The following PTGFRN variants were observed in gnomAD, a reference collection of about 807,000 sequenced individuals.
The protein encoded by PTGFRN is prostaglandin F2 receptor inhibitor.
A neutral mutation model predicts 83.2 loss-of-function variants in PTGFRN; 35 were observed. The observed-to-expected ratio is 0.42, with a 90% confidence interval of 0.32 to 0.56. The LOEUF (loss-of-function observed/expected upper bound fraction) is 0.56. Ranked by LOEUF, PTGFRN falls within the 20% of genes least tolerant of loss-of-function variation. The pLI is 0.11. For missense variants in PTGFRN, 1,051 were observed against 1,179.5 expected (o/e 0.89, Z 1.60); for synonymous variants, 519 against 498.6 (o/e 1.04, Z -0.55).
At chr1:116,979,332 G>A (rs1287846210) in intron 7 of PTGFRN, among the ~76,000 whole-genome samples, 2 of 152,108 alleles carry the variant, frequency 1.3e-5, no homozygotes, top group Non-Finnish European at 2.9e-5. Flanking sequence ...TCCCCATCAA[G>A]CTACCAATGG....
In PTGFRN at chr1:116,976,032, C is replaced by T. The variant is rs551043205; in HGVS notation, c.2167+1709C>T. Among the ~76,000 whole-genome samples the T allele has an allele frequency of 2.0e-5, 3 of 152,220 alleles. No individual in the cohort carries two copies. In the East Asian group the frequency reaches 5.8e-4, roughly 29 times the overall value. On this transcript the variant is annotated intron_variant, in intron 7 of 8. Transcript: ENST00000393203. ...CCAGTGTAGAGAAGTCCTTAAATGA[C>T]CTTATGGAGCTGAAAACCATGGCAT...
intron 7 of PTGFRN, among the ~76,000 whole-genome samples, chr1:116,982,714 G>A (rs963844034): frequency 4.6e-5 from 7 of 152,196 alleles, no homozygotes; most frequent in South Asian, 4.1e-4. Flanking sequence ...TGGAGCATGA[G>A]TGTACTGCAG....
At chr1:116,936,189 A>G (rs772276800) in intron 1 of PTGFRN, among the ~76,000 whole-genome samples, 9 of 152,190 alleles carry the variant, frequency 5.9e-5, no homozygotes, top group African/African-American at 1.9e-4. Context: ...AAAGAGCCAT[A>G]TGCTCTATTT....
Position 116,990,274 on chromosome 1 carries a change from G to A in PTGFRN, c.*3307G>A, listed in dbSNP as rs1651685755. On this transcript the variant is annotated 3_prime_UTR_variant, in exon 9 of 9. Transcript: ENST00000393203. ...ATATCCAATGTTATATGAACTAATTGTATTGTTTTATACTGTGACCACAAA... is the reference window on the plus strand; with the variant it reads ...ATATCCAATGTTATATGAACTAATTATATTGTTTTATACTGTGACCACAAA... 2 of 152,590 alleles carry A rather than the reference G, an allele frequency of 1.3e-5. No individual in the cohort carries two copies. Among genetic ancestry groups the A allele is most frequent in the South Asian group, 4.1e-4 (2 of 4,832 alleles). The allele number at this position is 152,590 out of a possible 1,614,324, so 9.5% of individuals were successfully genotyped here.
intron 8 of PTGFRN, 45 bp downstream of exon 8, chr1:116,985,030 TC>T: frequency 1.3e-6 from 2 of 1,578,180 alleles, no homozygotes; most frequent in African/African-American, 2.7e-5. Context: ...AATGTCTTCT[TC>T]TTGTGCCAGG....
intron 5 of PTGFRN, among the ~76,000 whole-genome samples, chr1:116,963,932 C>CT (rs1650751650): frequency 6.6e-6 from 1 of 152,022 alleles, no homozygotes; most frequent in South Asian, 2.1e-4. Flanking sequence ...CTATAGGCCT[C>CT]TATCATCATG....
At chr1:116,980,625 T>C (rs1651288133) in intron 7 of PTGFRN, among the ~76,000 whole-genome samples, 2 of 152,292 alleles carry the variant, frequency 1.3e-5, no homozygotes, top group African/African-American at 4.8e-5. Context: ...AAACACCTCA[T>C]GTTCTCACTC....
At chr1:116,965,516 C>A (rs1426870382) in intron 5 of PTGFRN, among the ~76,000 whole-genome samples, 1 of 152,090 alleles carries the variant, frequency 6.6e-6, no homozygotes, top group African/African-American at 2.4e-5. Flanking sequence ...AACTCCTGGC[C>A]TCATGCAATC....
Position 116,923,874 on chromosome 1 carries a change from G to C in PTGFRN, c.49+13622G>C, listed in dbSNP as rs995592579. ...TGTCGAGCATTATTCTGGATCTGGG[G>C]GCACCTAAAAACATAGATCGACACA... On this transcript the variant is annotated intron_variant, in intron 1 of 8. Coordinates refer to ENST00000393203, the MANE Select transcript of PTGFRN (RefSeq NM_020440.4). The surrounding 1 kb of genome is among the most constrained non-coding windows in gnomAD (Gnocchi z 4.0). Among the ~76,000 whole-genome samples, 1 of 151,994 alleles carries C rather than the reference G, an allele frequency of 6.6e-6. No individual in the cohort carries two copies. The highest frequency in any genetic ancestry group is 1.5e-5 in the Non-Finnish European group (1 of 68,014).
At chr1:116,910,726 C>T (rs1242691390) in intron 1 of PTGFRN, among the ~76,000 whole-genome samples, 1 of 152,230 alleles carries the variant, frequency 6.6e-6, no homozygotes, top group East Asian at 1.9e-4. Flanking sequence ...AGTTGCCTTT[C>T]CAGGGAAGCG....
chr1:116,965,866 A>G (rs1650812698), intron 5 of PTGFRN, among the ~76,000 whole-genome samples: 1 of 152,222 alleles, frequency 6.6e-6, no homozygotes, highest in South Asian at 2.1e-4. Context: ...GTCAATAAAT[A>G]TATGTTTAAA....
Position 116,944,703 on chromosome 1 carries a change from G to A in PTGFRN, c.443G>A (p.Gly148Asp), listed in dbSNP as rs2101065202. The part of the protein sequence containing the change: ...VKVLADSLHV[G>D]PSARPPPSLS... ...GTGCTGGCCGACTCCCTGCACGTGG[G>A]CCCCAGCGCGCGGCCCCCGCCGAGC... Residue 148 changes from glycine (G) to aspartate (D), a missense_variant, in exon 3 of 9, where the codon GGC (glycine) becomes GAC (aspartate). Physicochemically the swap from Gly to Asp is moderately conservative, Grantham distance 94. This residue lies in a region of PTGFRN where 205 missense variants were observed against 174.5 expected (regional missense o/e 1.17). Coordinates refer to ENST00000393203, the MANE Select transcript of PTGFRN (RefSeq NM_020440.4). The A allele has an allele frequency of 2.1e-6, 3 of 1,417,018 alleles. No individual in the cohort carries two copies. The East Asian group carries it at 8.4e-5, about 40-fold the overall frequency. 87.8% of individuals were successfully genotyped at this position (1,417,018 alleles called of 1,614,324 possible).
At chr1:116,929,929 A>G (rs1649752515) in intron 1 of PTGFRN, among the ~76,000 whole-genome samples, 1 of 152,130 alleles carries the variant, frequency 6.6e-6, no homozygotes, top group African/African-American at 2.4e-5. Context: ...TACTTTCCAG[A>G]TCCCATACCC....
chr1:116,944,719 C>A lies in PTGFRN; in HGVS notation c.459C>A (p.Pro153=). Residue 153 remains proline, a synonymous_variant, in exon 3 of 9, where the codon CCC becomes CCA. Transcript: ENST00000393203. ...TGCACGTGGGCCCCAGCGCGCGGCC[C>A]CCGCCGAGCCTGAGCCTGCGGGAGG... is the stretch of plus-strand genomic sequence containing the variant. ...DSLHVGPSAR[P]PPSLSLREGE... 1.4e-6 allele frequency: 2 copies of A among 1,452,284 alleles called. No individual in the cohort carries two copies. The highest frequency in any genetic ancestry group is 1.5e-5 in the South Asian group (1 of 66,906). 90.0% of individuals were successfully genotyped at this position (1,452,284 alleles called of 1,614,324 possible).
chr1:116,936,720 A>T (rs1649928889), intron 1 of PTGFRN, among the ~76,000 whole-genome samples: 1 of 152,222 alleles, frequency 6.6e-6, no homozygotes, highest in South Asian at 2.1e-4. Flanking sequence ...GAGTGGGAGA[A>T]CAGTTGGAGA....
In PTGFRN at chr1:116,949,176, G is replaced by T. The variant is rs1650269732; in HGVS notation, c.833-16G>T. ...ATAATCAGATTACCTAGATGTATTT[G>T]TTTTTAATTTTCAAGTTCTGCGAGC... On this transcript the variant is annotated splice_polypyrimidine_tract_variant and intron_variant, in intron 3 of 8. Coordinates refer to ENST00000393203, the MANE Select transcript of PTGFRN (RefSeq NM_020440.4). 1.9e-6 allele frequency: 3 copies of T among 1,557,294 alleles called. No homozygotes were observed. Among genetic ancestry groups the T allele is most frequent in the Non-Finnish European group, 2.6e-6 (3 of 1,150,110 alleles).
chr1:116,987,014 G>C lies in PTGFRN; in HGVS notation c.*47G>C. On this transcript the variant is annotated 3_prime_UTR_variant, in exon 9 of 9. Coordinates refer to ENST00000393203, the MANE Select transcript of PTGFRN (RefSeq NM_020440.4). ...CAGAGGGACGTTCTAGGAGCAATTG[G>C]GGCAAGAAGAGGACAGTGATATTTT... 6.2e-7 allele frequency: 1 copy of C among 1,606,464 alleles called. No homozygotes were observed. The highest frequency in any genetic ancestry group is 8.5e-7 in the Non-Finnish European group (1 of 1,174,820).
intron 1 of PTGFRN, among the ~76,000 whole-genome samples, chr1:116,925,634 G>GT (rs753848846): frequency 1.3e-5 from 2 of 152,080 alleles, no homozygotes; most frequent in Non-Finnish European, 2.9e-5. Flanking sequence ...GAATTTGTCT[G>GT]TTTTTTCCTG....
chr1:116,926,576 C>T lies in PTGFRN; in HGVS notation c.50-15139C>T, dbSNP rs116274452. On this transcript the variant is annotated intron_variant, in intron 1 of 8. Transcript: ENST00000393203. ...GGTTTTTGCATCTTTTTTTTATTATCGCTTGGTCACATAACTTCTCGGAAC... is the reference window on the plus strand; with the variant it reads ...GGTTTTTGCATCTTTTTTTTATTATTGCTTGGTCACATAACTTCTCGGAAC... Among the ~76,000 whole-genome samples the T allele has an allele frequency of 3.3e-3, 508 of 152,080 alleles. 3 individuals carry two copies. Among genetic ancestry groups the T allele is most frequent in the African/African-American group, 0.012 (490 of 41,490 alleles).
Sources: allele counts gnomAD v4.1 joint callset (sites outside exome capture counted in the v4.1 genomes callset), GRCh38; gene constraint gnomAD v4.1.1; regional missense constraint gnomAD v4.1.1; non-coding constraint Gnocchi (gnomAD v3.1); transcripts MANE v1.5; gene names NCBI Gene and HGNC (gene_info 2026-07-23, HGNC 2026-07-21).